Variants in CACNA2D2 observed in about 807,000 individuals in gnomAD.
CACNA2D2 encodes the protein voltage-dependent calcium channel subunit alpha-2/delta-2.
CACNA2D2 carries 48 observed loss-of-function variants against 166.4 expected under a neutral mutation model. The observed-to-expected ratio is 0.29, with a 90% CI of 0.23 to 0.37. The LOEUF is 0.37. CACNA2D2 is among the 10% of genes least tolerant of loss of function. The pLI, the probability that CACNA2D2 is intolerant of heterozygous loss-of-function variation, is 1.00. For missense variants in CACNA2D2, 1,122 were observed against 1,433.0 expected, an observed-to-expected ratio of 0.78 and a Z score of 3.50; for synonymous variants, 561 against 573.7, an observed-to-expected ratio of 0.98 and a Z score of 0.32.
At chr3:50,476,450 G>T (rs1433375069) in intron 1 of CACNA2D2, among the ~76,000 whole-genome samples, 5 of 152,226 alleles carry the variant, frequency 3.3e-5, no homozygotes, top group Admixed American at 1.3e-4. Flanking sequence ...ATGTGCTGAG[G>T]GAGCTCAGCA....
intron 2 of CACNA2D2, among the ~76,000 whole-genome samples, chr3:50,455,937 T>C (rs920267245): frequency 1.3e-5 from 2 of 151,968 alleles, no homozygotes; most frequent in African/African-American, 4.8e-5. Flanking sequence ...ATCCAAGCTG[T>C]CCCCAGCTAT....
At chr3:50,413,912 G>A (rs762608423) in intron 3 of CACNA2D2, among the ~76,000 whole-genome samples, 5 of 151,954 alleles carry the variant, frequency 3.3e-5, no homozygotes, top group Non-Finnish European at 7.4e-5. Flanking sequence ...GGTTGCCAGG[G>A]CCCCATTTCC....
chr3:50,502,976 T>C (rs1264179533), intron 1 of CACNA2D2, among the ~76,000 whole-genome samples: 1 of 152,136 alleles, frequency 6.6e-6, no homozygotes, highest in Non-Finnish European at 1.5e-5. Flanking sequence ...GATCTTGCCT[T>C]GCCTCATTCG....
intron 1 of CACNA2D2, among the ~76,000 whole-genome samples, chr3:50,498,989 G>A (rs1432439361): frequency 6.6e-6 from 1 of 152,242 alleles, no homozygotes; most frequent in Non-Finnish European, 1.5e-5. Context: ...GGGCTCTGAG[G>A]TCAAGGCACT....
intron 3 of CACNA2D2, among the ~76,000 whole-genome samples, chr3:50,420,671 G>A (rs573817875): frequency 6.6e-6 from 1 of 152,324 alleles, no homozygotes; most frequent in East Asian, 1.9e-4. Flanking sequence ...ATGGGAAGTT[G>A]TCTGACAGGT....
At chr3:50,381,738 ACCC>A (rs587725514) in intron 6 of CACNA2D2, among the ~76,000 whole-genome samples, 29 of 151,658 alleles carry the variant, frequency 1.9e-4, no homozygotes, top group South Asian at 2.1e-4. Context: ...CACACTGCAC[ACCC>A]CCCAACAGGT....
chr3:50,391,413 G>A (rs1705880467), intron 4 of CACNA2D2, among the ~76,000 whole-genome samples: 1 of 152,248 alleles, frequency 6.6e-6, no homozygotes, highest in African/African-American at 2.4e-5. Context: ...GTGTGGTGCT[G>A]GCACCAAGTG....
intron 1 of CACNA2D2, among the ~76,000 whole-genome samples, chr3:50,476,431 G>A (rs1348336113): frequency 6.6e-6 from 1 of 152,244 alleles, no homozygotes; most frequent in African/African-American, 2.4e-5. Context: ...AGAGAGGATT[G>A]CATTGTGGAT....
At chr3:50,456,513 A>G (rs1709366440) in intron 2 of CACNA2D2, among the ~76,000 whole-genome samples, 1 of 152,148 alleles carries the variant, frequency 6.6e-6, no homozygotes, top group Admixed American at 6.5e-5. Flanking sequence ...GGTGGCTGAG[A>G]GTCTGTCCCA....
At position 50,366,040 on chromosome 3, in the gene CACNA2D2, G is replaced by C. The variant is rs1190413235; in HGVS notation, c.2833C>G (p.Leu945Val). The C allele has an allele frequency of 1.2e-6, 2 of 1,613,360 alleles. No homozygotes were observed. The highest frequency in any genetic ancestry group is 1.3e-5 in the African/African-American group (1 of 75,040). The change falls in exon 32 of 38, where the codon CTG (leucine) becomes GTG (valine). Residue 945 changes from leucine to valine, a missense_variant. This residue lies in a region of CACNA2D2 where 282 missense variants were observed against 266.2 expected (regional missense o/e 1.06). Transcript: ENST00000424201. The surrounding 1 kb of genome is among the most constrained non-coding windows in gnomAD (Gnocchi z 5.9). ...AACAPQPPGN[L>V]GAAPRGVFVP... is the part of the protein sequence containing the mutation. ...AAGACACCCCGGGGTGCAGCACCCA[G>C]GTTGCCAGGGGGCTGAGGGGCACAG... is the stretch of plus-strand genomic sequence containing the variant.
chr3:50,422,869 T>TG (rs764233450), intron 3 of CACNA2D2, among the ~76,000 whole-genome samples: 14 of 152,180 alleles, frequency 9.2e-5, no homozygotes, highest in South Asian at 2.1e-4. Flanking sequence ...ATGAAGTGGG[T>TG]GGGGGGTCTT....
intron 3 of CACNA2D2, among the ~76,000 whole-genome samples, chr3:50,428,822 T>C (rs1707923275): frequency 6.6e-6 from 1 of 152,198 alleles, no homozygotes; most frequent in Admixed American, 6.5e-5. Flanking sequence ...TCCTATTCCC[T>C]TGACCCTGTC....
At chr3:50,499,192 A>G (rs1698853150) in intron 1 of CACNA2D2, among the ~76,000 whole-genome samples, 1 of 152,210 alleles carries the variant, frequency 6.6e-6, no homozygotes, top group African/African-American at 2.4e-5. Context: ...TGGGATGGGA[A>G]GGCCTCTGGA....
intron 1 of CACNA2D2, among the ~76,000 whole-genome samples, chr3:50,476,446 T>TGA (rs1204741881): frequency 1.3e-5 from 2 of 152,224 alleles, no homozygotes; most frequent in African/African-American, 4.8e-5. Flanking sequence ...GTGGATGTGC[T>TGA]GAGGGAGCTC....
chr3:50,399,132 CCCA>C (rs1466302772), intron 3 of CACNA2D2, among the ~76,000 whole-genome samples: 3 of 152,120 alleles, frequency 2.0e-5, no homozygotes, highest in African/African-American at 7.2e-5. Context: ...CTTGGGTGCC[CCCA>C]CCTTCTTAGA....
Position 50,376,218 on chromosome 3 carries a change from T to C in CACNA2D2, c.1627-30A>G, listed in dbSNP as rs1228957692. ...AGGCACAGATTGGGGGCTCAGGGTC[T>C]GGAGGGATGGGCTGGGGTTCCCTGG... On this transcript the variant is annotated intron_variant, in intron 17 of 37. Transcript: ENST00000424201. This position sits in a 1 kb window ranked among gnomAD's most constrained non-coding sequence, Gnocchi z 4.3. 2 of 1,610,554 alleles carry C rather than the reference T, an allele frequency of 1.2e-6. No individual in the cohort carries two copies. Among genetic ancestry groups the C allele is most frequent in the East Asian group, 2.2e-5 (1 of 44,832 alleles).
chr3:50,414,437 A>C lies in CACNA2D2; in HGVS notation c.405+19876T>G, dbSNP rs1707173143. Among the ~76,000 whole-genome samples, 2 of 152,206 alleles carry C rather than the reference A, an allele frequency of 1.3e-5. 1 individual carries two copies. Among genetic ancestry groups the C allele is most frequent in the South Asian group, 4.1e-4 (2 of 4,832 alleles). On this transcript the variant is annotated intron_variant, in intron 3 of 37. Coordinates refer to ENST00000424201, the MANE Select transcript of CACNA2D2 (RefSeq NM_006030.4). ...AATACCTTCCAGAGTCCTCAACATGAGGTCAAAGCAGGGCTGGCAAGAGCA... is the reference window on the plus strand; with the variant it reads ...AATACCTTCCAGAGTCCTCAACATGCGGTCAAAGCAGGGCTGGCAAGAGCA...
chr3:50,401,593 C>T (rs1034587463), intron 3 of CACNA2D2, among the ~76,000 whole-genome samples: 1 of 152,202 alleles, frequency 6.6e-6, no homozygotes, highest in Non-Finnish European at 1.5e-5. Flanking sequence ...CCAGAACATC[C>T]TGGGCTCCCA....
At chr3:50,400,727 C>A (rs567021313) in intron 3 of CACNA2D2, among the ~76,000 whole-genome samples, 2 of 152,356 alleles carry the variant, frequency 1.3e-5, no homozygotes, top group African/African-American at 4.8e-5. Flanking sequence ...AGGACGGGCA[C>A]CCAGCCTTAC....
Sources: allele counts gnomAD v4.1 joint callset (sites outside exome capture counted in the v4.1 genomes callset), GRCh38; gene constraint gnomAD v4.1.1; regional missense constraint gnomAD v4.1.1; non-coding constraint Gnocchi (gnomAD v3.1); transcripts MANE v1.5; gene names NCBI Gene and HGNC (gene_info 2026-07-23, HGNC 2026-07-21).